UBE2G1: variants seen among roughly 807,000 people sequenced by gnomAD.
UBE2G1 encodes ubiquitin-conjugating enzyme E2 G1.
A neutral mutation model predicts 22.7 loss-of-function variants in UBE2G1; 5 were observed. The ratio of observed to expected loss-of-function variants is 0.22; its 90% CI spans 0.12 to 0.46. The LOEUF (loss-of-function observed/expected upper bound fraction) is 0.46, where lower values mean the gene tolerates loss of function less well. Among genes scored for constraint, UBE2G1 ranks in the 20% least tolerant of loss-of-function variants. The pLI is 0.99. For synonymous variants in UBE2G1, 74 were observed against 67.5 expected, an observed-to-expected ratio of 1.10 and a Z score of -0.47; for missense variants, 88 against 203.9, an observed-to-expected ratio of 0.43 and a Z score of 3.46.
chr17:4,282,445 C>A (rs963231280), intron 5 of UBE2G1, among the ~76,000 whole-genome samples: 1 of 152,166 alleles, frequency 6.6e-6, no homozygotes, highest in Non-Finnish European at 1.5e-5. Context: ...CTACATAATA[C>A]AGTATATGAA....
At chr17:4,346,574 T>C (rs757647964) in intron 1 of UBE2G1, among the ~76,000 whole-genome samples, 1 of 151,606 alleles carries the variant, frequency 6.6e-6, no homozygotes, top group Non-Finnish European at 1.5e-5. Context: ...TGGCTGGGAC[T>C]ATAGGTGTGC....
intron 2 of UBE2G1, chr17:4,302,525 G>T: frequency 6.6e-6 from 3 of 451,482 alleles, no homozygotes; most frequent in Admixed American, 2.4e-5. Context: ...ATCACTGCTG[G>T]GATGGATGAT....
At chr17:4,327,234 T>C (rs1969512745) in intron 1 of UBE2G1, among the ~76,000 whole-genome samples, 1 of 152,088 alleles carries the variant, frequency 6.6e-6, no homozygotes. Context: ...GAGGCAGAGG[T>C]TGCAGTGAGC....
intron 1 of UBE2G1, among the ~76,000 whole-genome samples, chr17:4,340,085 C>CT (rs1381178405): frequency 2.6e-5 from 4 of 152,132 alleles, no homozygotes; most frequent in African/African-American, 4.8e-5. Context: ...GTGCATATGG[C>CT]TTTTTTTAAC....
chr17:4,328,552 A>G (rs1488577240), intron 1 of UBE2G1, among the ~76,000 whole-genome samples: 1 of 152,230 alleles, frequency 6.6e-6, no homozygotes, highest in African/African-American at 2.4e-5. Flanking sequence ...AAATAAGAGG[A>G]TGCTGTCATG....
intron 3 of UBE2G1, among the ~76,000 whole-genome samples, chr17:4,295,614 A>G (rs1969100782): frequency 6.6e-6 from 1 of 152,216 alleles, no homozygotes; most frequent in Non-Finnish European, 1.5e-5. Context: ...ATAATAGCCT[A>G]AAGAGACAAC....
chr17:4,320,050 G>A (rs1598193023), intron 1 of UBE2G1, among the ~76,000 whole-genome samples: 1 of 151,520 alleles, frequency 6.6e-6, no homozygotes, highest in African/African-American at 2.4e-5. Flanking sequence ...TGTTGCCATT[G>A]GTCCTATTTT....
At chr17:4,335,912 A>G (rs1316559603) in intron 1 of UBE2G1, among the ~76,000 whole-genome samples, 4 of 152,138 alleles carry the variant, frequency 2.6e-5, no homozygotes, top group African/African-American at 9.6e-5. Flanking sequence ...TTGGGAGGCC[A>G]AGGCGGGAGG....
chr17:4,307,215 TAA>T, intron 1 of UBE2G1, 92 bp from the exon 2 acceptor site: 1 of 1,135,710 alleles, frequency 8.8e-7, no homozygotes, highest in Non-Finnish European at 1.3e-6. Flanking sequence ...ATGTTTTATG[TAA>T]GTTTTAAACC....
At chr17:4,304,473 T>C (rs532102472) in intron 2 of UBE2G1, among the ~76,000 whole-genome samples, 1 of 152,236 alleles carries the variant, frequency 6.6e-6, no homozygotes, top group African/African-American at 2.4e-5. Context: ...AAAGACTCAT[T>C]AATAAAAATA....
chr17:4,327,459 G>C (rs1046701809), intron 1 of UBE2G1, among the ~76,000 whole-genome samples: 2 of 152,044 alleles, frequency 1.3e-5, no homozygotes, highest in Non-Finnish European at 2.9e-5. Context: ...GCAACAGAGC[G>C]AGACTGTCAC....
intron 2 of UBE2G1, among the ~76,000 whole-genome samples, chr17:4,300,861 A>G (rs1350711232): frequency 6.6e-6 from 1 of 151,698 alleles, no homozygotes; most frequent in African/African-American, 2.4e-5. Context: ...CTACTCAGGA[A>G]GCTGAGGTAG....
At chr17:4,311,751 T>G (rs544911324) in intron 1 of UBE2G1, among the ~76,000 whole-genome samples, 126 of 152,314 alleles carry the variant, frequency 8.3e-4, no homozygotes, top group South Asian at 6.6e-3. Flanking sequence ...GAAACACCAC[T>G]GAGTGGTACA....
chr17:4,344,065 A>G (rs1969741795), intron 1 of UBE2G1, among the ~76,000 whole-genome samples: 1 of 152,228 alleles, frequency 6.6e-6, no homozygotes, highest in South Asian at 2.1e-4. Context: ...ACAGGCTTCT[A>G]AAACAGCACT....
At chr17:4,300,637 GATGCT>G (rs1428075992) in intron 2 of UBE2G1, among the ~76,000 whole-genome samples, 3 of 151,674 alleles carry the variant, frequency 2.0e-5, no homozygotes, top group Admixed American at 1.3e-4. Context: ...CTTCATCACA[GATGCT>G]ATAGTATAAG....
At chr17:4,326,271 C>G (rs1969503780) in intron 1 of UBE2G1, among the ~76,000 whole-genome samples, 1 of 152,114 alleles carries the variant, frequency 6.6e-6, no homozygotes, top group African/African-American at 2.4e-5. Flanking sequence ...CAAAAATGGG[C>G]AAATGACTTG....
chr17:4,275,626 C>G (rs573980108), intron 5 of UBE2G1, among the ~76,000 whole-genome samples: 1 of 152,060 alleles, frequency 6.6e-6, no homozygotes, highest in Non-Finnish European at 1.5e-5. Flanking sequence ...ATAAAACAGA[C>G]CAATGTGCTC....
intron 2 of UBE2G1, among the ~76,000 whole-genome samples, chr17:4,298,355 T>G (rs373085761): frequency 1.3e-5 from 2 of 152,196 alleles, no homozygotes; most frequent in East Asian, 3.9e-4. Flanking sequence ...AAATTGGGGG[T>G]GTGTTTGTAT....
At chr17:4,344,778 T>C (rs1432230051) in intron 1 of UBE2G1, among the ~76,000 whole-genome samples, 1 of 152,142 alleles carries the variant, frequency 6.6e-6, no homozygotes, top group African/African-American at 2.4e-5. Context: ...GGAGGATCAC[T>C]TGAGCCCAGG....
Sources: allele counts gnomAD v4.1 joint callset (sites outside exome capture counted in the v4.1 genomes callset), GRCh38; gene constraint gnomAD v4.1.1; transcripts MANE v1.5; gene names NCBI Gene and HGNC (gene_info 2026-07-23, HGNC 2026-07-21).